The following INTS7 variants were observed in gnomAD, a reference collection of about 807,000 sequenced individuals.
INTS7 encodes integrator complex subunit 7.
In INTS7, 46 loss-of-function variants were observed where a neutral mutation model predicts 109.2. That is an observed-to-expected ratio of 0.42 (90% CI 0.33 to 0.54). The LOEUF is 0.54. Among genes scored for constraint, INTS7 ranks in the 20% least tolerant of loss-of-function variants. The pLI is 0.07. For missense variants in INTS7, 929 were observed against 1,132.4 expected (o/e 0.82, Z 2.58); for synonymous variants, 412 against 402.9 (o/e 1.02, Z -0.27).
In INTS7 at chr1:211,942,925, G is replaced by A. The variant is rs1292858876; in HGVS notation, c.2602-814C>T. Among the ~76,000 whole-genome samples, 2 of 152,240 alleles carry A rather than the reference G, an allele frequency of 1.3e-5. No individual in the cohort carries two copies. The highest frequency in any genetic ancestry group is 2.9e-5 in the Non-Finnish European group (2 of 68,014). ...ACCAAATTACTCTAGGTTTATGTGC[G>A]TGTTTCTGTGGTGTAATTAATTATA... On this transcript the variant is annotated intron_variant, in intron 19 of 19. Coordinates refer to ENST00000366994, the MANE Select transcript of INTS7 (RefSeq NM_015434.4). The surrounding 1 kb of genome is among the most constrained non-coding windows in gnomAD (Gnocchi z 4.2).
chr1:211,994,307 G>A (rs948248527), intron 7 of INTS7, among the ~76,000 whole-genome samples: 3 of 151,900 alleles, frequency 2.0e-5, no homozygotes, highest in Admixed American at 6.6e-5. Flanking sequence ...GTTTTCCCCT[G>A]CTGTATTTCA....
rs775526127 is a variant in INTS7 at position 211,978,293 on chromosome 1, T to C, written c.1449A>G (p.Thr483=). 10 of 1,614,206 alleles carry C rather than the reference T, an allele frequency of 6.2e-6. No homozygotes were observed. The highest frequency in any genetic ancestry group is 2.2e-5 in the South Asian group (2 of 91,090). The change falls in exon 11 of 20, where the codon ACA becomes ACG. Residue 483 remains threonine, a synonymous_variant. Transcript: ENST00000366994. The part of the protein sequence containing the change: ...ELYKVIGRSA[T]DKQQELLVSL... ...TTACCAGAAGTTCTTGTTGCTTGTC[T>C]GTGGCTGATCGTCCAATCACCTTGT...
intron 3 of INTS7, among the ~76,000 whole-genome samples, chr1:212,017,556 G>A (rs1666495334): frequency 6.6e-6 from 1 of 152,146 alleles, no homozygotes; most frequent in Non-Finnish European, 1.5e-5. Flanking sequence ...CGGTGCAGAA[G>A]GTAAAGCTTG....
chr1:212,002,279 AT>A (rs1287253738), intron 7 of INTS7, among the ~76,000 whole-genome samples: 1 of 152,148 alleles, frequency 6.6e-6, no homozygotes, highest in Non-Finnish European at 1.5e-5. Context: ...TTCTAATTCG[AT>A]TATTTGTAAC....
At position 211,966,515 on chromosome 1, in the gene INTS7, G is replaced by T; in HGVS notation, c.2115-17C>A. 1.3e-6 allele frequency: 2 copies of T among 1,552,920 alleles called. No individual in the cohort carries two copies. The highest frequency in any genetic ancestry group is 1.8e-6 in the Non-Finnish European group (2 of 1,132,932). ...TGCTGCTGTCTGGATTGATGTTAAG[G>T]TTACATACGAAAATAGAGAAGAAAC... is the stretch of plus-strand genomic sequence containing the variant. On this transcript the variant is annotated splice_polypyrimidine_tract_variant and intron_variant, in intron 15 of 19. Coordinates refer to ENST00000366994, the MANE Select transcript of INTS7 (RefSeq NM_015434.4).
chr1:211,984,948 C>A (rs1246446485), intron 8 of INTS7, among the ~76,000 whole-genome samples: 1 of 152,084 alleles, frequency 6.6e-6, no homozygotes, highest in East Asian at 1.9e-4. Context: ...TCTTTTAATG[C>A]TATTACATCC....
intron 17 of INTS7, among the ~76,000 whole-genome samples, chr1:211,950,009 A>G (rs17018275): frequency 0.021 from 3,127 of 152,256 alleles, 117 homozygotes; most frequent in African/African-American, 0.07. Flanking sequence ...CATTTTCCCT[A>G]TCTTTTGATG....
intron 1 of INTS7, chr1:212,025,441 T>C (rs1160700872): frequency 6.6e-6 from 1 of 151,978 alleles, no homozygotes; most frequent in Admixed American, 6.6e-5. Flanking sequence ...GTGAATTTTA[T>C]CTGATACAAA....
intron 7 of INTS7, among the ~76,000 whole-genome samples, chr1:211,994,648 G>T (rs1665296796): frequency 6.6e-6 from 1 of 151,120 alleles, no homozygotes; most frequent in African/African-American, 2.4e-5. Context: ...GGCCAGGCTG[G>T]TCTCAAACTC....
intron 7 of INTS7, among the ~76,000 whole-genome samples, chr1:212,002,920 G>C (rs1035537491): frequency 6.6e-6 from 1 of 152,124 alleles, no homozygotes; most frequent in Admixed American, 6.5e-5. Flanking sequence ...CAAGGAAAAA[G>C]GGTATAGAAA....
chr1:211,945,508 TAAAG>T (rs1662810077), intron 18 of INTS7, among the ~76,000 whole-genome samples: 1 of 152,190 alleles, frequency 6.6e-6, no homozygotes, highest in Non-Finnish European at 1.5e-5. Flanking sequence ...ACACATCAAT[TAAAG>T]AAAGCCCAAG....
chr1:211,993,465 A>C (rs944120533), intron 7 of INTS7, among the ~76,000 whole-genome samples: 1 of 152,194 alleles, frequency 6.6e-6, no homozygotes, highest in African/African-American at 2.4e-5. Flanking sequence ...GGATCACCTG[A>C]GGTCAGGAGT....
intron 7 of INTS7, among the ~76,000 whole-genome samples, chr1:211,996,763 G>A (rs564403816): frequency 3.9e-5 from 6 of 152,214 alleles, no homozygotes; most frequent in South Asian, 4.1e-4. Flanking sequence ...AGTGGTACAC[G>A]CCTATAACCC....
intron 1 of INTS7, among the ~76,000 whole-genome samples, chr1:212,026,342 G>T (rs940680961): frequency 1.3e-5 from 2 of 152,066 alleles, no homozygotes; most frequent in Non-Finnish European, 2.9e-5. Flanking sequence ...AGCACTATCG[G>T]CACTCACAGT....
intron 7 of INTS7, among the ~76,000 whole-genome samples, chr1:211,997,259 G>C (rs937584189): frequency 2.0e-4 from 30 of 151,922 alleles, no homozygotes; most frequent in African/African-American, 7.3e-4. Flanking sequence ...AAAAGAGAGA[G>C]ATAGGCCAGG....
chr1:212,003,136 C>T (rs79891371), intron 7 of INTS7, among the ~76,000 whole-genome samples: 3,058 of 151,982 alleles, frequency 0.02, 31 homozygotes, highest in African/African-American at 0.026. Flanking sequence ...AAAGAGACAG[C>T]GGCAATATCT....
intron 16 of INTS7, among the ~76,000 whole-genome samples, chr1:211,954,757 T>G (rs1258170597): frequency 6.6e-6 from 1 of 152,216 alleles, no homozygotes; most frequent in Non-Finnish European, 1.5e-5. Flanking sequence ...TTGATCTACA[T>G]CTCTGTTTTG....
intron 7 of INTS7, among the ~76,000 whole-genome samples, chr1:211,992,685 A>AAAT (rs1224434732): frequency 2.0e-5 from 3 of 152,118 alleles, no homozygotes; most frequent in Non-Finnish European, 4.4e-5. Context: ...TCTGTCTTAA[A>AAAT]AATAATAATA....
intron 13 of INTS7, among the ~76,000 whole-genome samples, chr1:211,972,056 C>T (rs564061797): frequency 2.0e-5 from 3 of 151,702 alleles, no homozygotes; most frequent in Admixed American, 6.6e-5. Context: ...TGGAGGTGCA[C>T]ATAAGAATTT....
Sources: allele counts gnomAD v4.1 joint callset (sites outside exome capture counted in the v4.1 genomes callset), GRCh38; gene constraint gnomAD v4.1.1; non-coding constraint Gnocchi (gnomAD v3.1); transcripts MANE v1.5; gene names NCBI Gene and HGNC (gene_info 2026-07-23, HGNC 2026-07-21).